The following FNDC3A variants were observed in gnomAD, a reference collection of about 807,000 sequenced individuals.
The protein encoded by FNDC3A is fibronectin type III domain containing 3A.
Under a neutral mutation model 148.9 loss-of-function variants are expected in FNDC3A, and 32 were observed. The observed-to-expected ratio is 0.21, with a 90% CI of 0.16 to 0.29. The LOEUF (loss-of-function observed/expected upper bound fraction) is 0.29. Among genes scored for constraint, FNDC3A ranks in the 10% least tolerant of loss-of-function variants. FNDC3A has a pLI of 1.00. For synonymous variants in FNDC3A, 472 were observed against 473.6 expected (o/e 1.00, Z 0.04); for missense variants, 1,191 against 1,452.8 (o/e 0.82, Z 2.93).
chr13:49,110,401 T>G (rs1428755128), intron 3 of FNDC3A: 1 of 1,600,474 alleles, frequency 6.2e-7, no homozygotes, highest in Non-Finnish European at 8.6e-7. Context: ...AAAAACGAAA[T>G]GAGTGGTAAG....
intron 14 of FNDC3A, among the ~76,000 whole-genome samples, chr13:49,185,630 A>C (rs1266366533): frequency 1.3e-5 from 2 of 152,236 alleles, no homozygotes; most frequent in Non-Finnish European, 2.9e-5. Context: ...AAACTCACAA[A>C]GAATGTTAAA....
intron 8 of FNDC3A, among the ~76,000 whole-genome samples, chr13:49,162,831 C>T (rs1176563585): frequency 3.3e-5 from 5 of 152,146 alleles, no homozygotes; most frequent in Non-Finnish European, 5.9e-5. Context: ...GATGCTATTC[C>T]TTCCTGTTTG....
At chr13:49,008,464 G>GTCA (rs66823523) in intron 2 of FNDC3A, among the ~76,000 whole-genome samples, 15 of 154 alleles carry the variant, frequency 0.097, no homozygotes, top group Non-Finnish European at 0.19. Flanking sequence ...AGATGGAAGT[G>GTCA]TGCACAAGCA....
intron 7 of FNDC3A, among the ~76,000 whole-genome samples, chr13:49,145,162 T>TA (rs1882921895): frequency 6.6e-6 from 1 of 152,188 alleles, no homozygotes; most frequent in Non-Finnish European, 1.5e-5. Flanking sequence ...AAACACATCT[T>TA]ACATTTTATA....
At chr13:49,183,960 T>C (rs746563617) in intron 14 of FNDC3A, among the ~76,000 whole-genome samples, 2 of 152,188 alleles carry the variant, frequency 1.3e-5, no homozygotes, top group African/African-American at 2.4e-5. Flanking sequence ...ACAACAGATA[T>C]TCTGATGAGG....
At chr13:48,989,845 A>G (rs917762071) in intron 1 of FNDC3A, among the ~76,000 whole-genome samples, 2 of 151,650 alleles carry the variant, frequency 1.3e-5, no homozygotes, top group African/African-American at 4.8e-5. Context: ...TTCGCCTCCC[A>G]GGTTCAAGCG....
At chr13:49,083,573 AC>A (rs1878616632) in intron 3 of FNDC3A, among the ~76,000 whole-genome samples, 1 of 152,078 alleles carries the variant, frequency 6.6e-6, no homozygotes, top group Non-Finnish European at 1.5e-5. Context: ...GCGTGAAATC[AC>A]CTTTATAAAA....
chr13:49,144,416 A>G (rs1882876297), intron 7 of FNDC3A, among the ~76,000 whole-genome samples: 1 of 152,148 alleles, frequency 6.6e-6, no homozygotes, highest in Non-Finnish European at 1.5e-5. Flanking sequence ...AAAAGGACAG[A>G]ATGTTACAAT....
intron 14 of FNDC3A, among the ~76,000 whole-genome samples, chr13:49,183,853 T>TTA (rs904431045): frequency 6.6e-6 from 1 of 152,196 alleles, no homozygotes; most frequent in Non-Finnish European, 1.5e-5. Context: ...GTGTATGGTG[T>TTA]TATATAGCAT....
chr13:49,011,890 C>T (rs1300673756), intron 2 of FNDC3A, among the ~76,000 whole-genome samples: 3 of 152,126 alleles, frequency 2.0e-5, no homozygotes, highest in Non-Finnish European at 1.5e-5. Context: ...TATACTTTCG[C>T]GTTGAACATT....
At chr13:49,148,684 C>G (rs1228751958) in intron 8 of FNDC3A, among the ~76,000 whole-genome samples, 1 of 152,206 alleles carries the variant, frequency 6.6e-6, no homozygotes, top group Non-Finnish European at 1.5e-5. Context: ...GTTGGCTATT[C>G]AGGCTATTTT....
At chr13:49,163,006 G>A (rs76049889) in intron 8 of FNDC3A, among the ~76,000 whole-genome samples, 98 of 152,216 alleles carry the variant, frequency 6.4e-4, no homozygotes, top group African/African-American at 2.0e-3. Flanking sequence ...TGGAAGCTTC[G>A]TCTCAGAGGG....
chr13:49,149,222 G>A (rs573322207), intron 8 of FNDC3A, among the ~76,000 whole-genome samples: 1 of 151,048 alleles, frequency 6.6e-6, no homozygotes, highest in South Asian at 2.1e-4. Flanking sequence ...GGTTGCTCTG[G>A]CTAGGACTTC....
At chr13:49,145,535 CT>C (rs905695758) in intron 7 of FNDC3A, among the ~76,000 whole-genome samples, 19 of 152,158 alleles carry the variant, frequency 1.2e-4, no homozygotes, top group African/African-American at 4.3e-4. Flanking sequence ...TTTCTTTTGA[CT>C]ATGTATGGTG....
intron 3 of FNDC3A, among the ~76,000 whole-genome samples, chr13:49,086,115 C>T (rs1878795374): frequency 6.6e-6 from 1 of 152,206 alleles, no homozygotes; most frequent in African/African-American, 2.4e-5. Flanking sequence ...CTCCTGATCT[C>T]AGGTGATCCA....
intron 2 of FNDC3A, among the ~76,000 whole-genome samples, chr13:49,037,430 C>G (rs1245457657): frequency 6.6e-6 from 1 of 152,140 alleles, no homozygotes; most frequent in Non-Finnish European, 1.5e-5. Flanking sequence ...AGGATTTTCT[C>G]CTTTATTATT....
intron 4 of FNDC3A, among the ~76,000 whole-genome samples, chr13:49,119,413 T>G (rs1881187265): frequency 6.6e-6 from 1 of 151,964 alleles, no homozygotes; most frequent in South Asian, 2.1e-4. Context: ...ACAAAAAGGC[T>G]GAAAATTCCA....
At chr13:49,078,161 A>G (rs1878239014) in intron 3 of FNDC3A, among the ~76,000 whole-genome samples, 1 of 152,242 alleles carries the variant, frequency 6.6e-6, no homozygotes, top group South Asian at 2.1e-4. Flanking sequence ...CAGAACACAA[A>G]AAGTGCTATT....
intron 3 of FNDC3A, among the ~76,000 whole-genome samples, chr13:49,094,336 C>T (rs910791233): frequency 1.3e-5 from 2 of 152,008 alleles, no homozygotes; most frequent in Non-Finnish European, 2.9e-5. Flanking sequence ...TTTTCCAATT[C>T]ATTTTACTGA....
Sources: gnomAD v4.1 joint callset for allele counts (sites outside exome capture counted in the v4.1 genomes callset) on GRCh38, gnomAD v4.1.1 for gene constraint, MANE v1.5 for transcripts, NCBI Gene and HGNC (gene_info 2026-07-23, HGNC 2026-07-21) for gene names.